BCAS3: variants seen among roughly 807,000 people sequenced by gnomAD.
BCAS3 encodes the protein BCAS4/BCAS3 fusion.
Under a neutral mutation model 116.1 loss-of-function variants are expected in BCAS3, and 53 were observed. The ratio of observed to expected loss-of-function variants is 0.46; its 90% CI spans 0.37 to 0.57. The LOEUF is 0.57. Among genes scored for constraint, BCAS3 ranks in the 20% least tolerant of loss-of-function variants. The pLI is 0.00. For missense variants in BCAS3, 917 were observed against 1,165.4 expected, an observed-to-expected ratio of 0.79 and a Z score of 3.10; for synonymous variants, 391 against 408.2, an observed-to-expected ratio of 0.96 and a Z score of 0.51.
chr17:60,747,848 T>C (rs1260750550), intron 6 of BCAS3, among the ~76,000 whole-genome samples: 1 of 152,152 alleles, frequency 6.6e-6, no homozygotes, highest in Non-Finnish European at 1.5e-5. Context: ...AGAATACTTC[T>C]TAATGTTGTG....
chr17:60,769,016 A>C (rs2044384879), intron 6 of BCAS3, among the ~76,000 whole-genome samples: 4 of 152,134 alleles, frequency 2.6e-5, no homozygotes, highest in Admixed American at 2.6e-4. Context: ...TGATGGTGGT[A>C]CATAGTGGTG....
intron 22 of BCAS3, chr17:61,157,533 CT>C (rs371820850): frequency 1.7e-3 from 251 of 146,712 alleles, no homozygotes; most frequent in African/African-American, 5.2e-3. Flanking sequence ...CTCCCTGCCT[CT>C]TTTTTTTTTT....
Position 61,381,593 on chromosome 17 carries a change from G to A in BCAS3, c.2594-10384G>A, listed in dbSNP as rs1170495669. Among the ~76,000 whole-genome samples, 2 of 149,610 alleles carry A rather than the reference G, an allele frequency of 1.3e-5. No homozygotes were observed. The highest frequency in any genetic ancestry group is 4.0e-4 in the East Asian group (2 of 5,024). ...TTCACTGATGTCAAGGCTACCAGAC[G>A]CTAAATGCCACCGAGAAGTTAAATC... On this transcript the variant is annotated intron_variant, in intron 23 of 23. Transcript: ENST00000407086. This position sits in a 1 kb window ranked among gnomAD's most constrained non-coding sequence, Gnocchi z 6.0.
At chr17:60,915,839 C>T (rs2058751887) in intron 12 of BCAS3, among the ~76,000 whole-genome samples, 1 of 151,900 alleles carries the variant, frequency 6.6e-6, no homozygotes, top group Non-Finnish European at 1.5e-5. Flanking sequence ...CCCGCCACCA[C>T]ACCTAGCTAA....
intron 11 of BCAS3, 53 bp from the exon 12 acceptor site, chr17:60,910,479 T>C (rs2058433873): frequency 7.2e-7 from 1 of 1,390,068 alleles, no homozygotes; most frequent in Non-Finnish European, 9.6e-7. Context: ...CGTATTTCTA[T>C]GTAGAATCCA....
chr17:60,866,272 G>A (rs1333699136), intron 7 of BCAS3, among the ~76,000 whole-genome samples: 1 of 151,776 alleles, frequency 6.6e-6, no homozygotes, highest in Non-Finnish European at 1.5e-5. Flanking sequence ...TTACAGACAT[G>A]CTTGCACCAC....
At chr17:60,719,995 G>A (rs2039059494) in intron 5 of BCAS3, among the ~76,000 whole-genome samples, 1 of 152,154 alleles carries the variant, frequency 6.6e-6, no homozygotes, top group Non-Finnish European at 1.5e-5. Context: ...CTTACACTAT[G>A]TTAAAAATCA....
rs1020184192 is a variant in BCAS3 at position 61,265,832 on chromosome 17, A to G, written c.2426-102495A>G. On this transcript the variant is annotated intron_variant, in intron 22 of 23. Coordinates refer to ENST00000407086, the MANE Select transcript of BCAS3 (RefSeq NM_017679.5). The surrounding 1 kb of genome is among the most constrained non-coding windows in gnomAD (Gnocchi z 4.3). ...AAATCTTTGACTCCACCATTTTTATAATAAACACTTGCAAACTCACACCTT... is the reference window on the plus strand; with the variant it reads ...AAATCTTTGACTCCACCATTTTTATGATAAACACTTGCAAACTCACACCTT... 1.3e-5 allele frequency among the ~76,000 whole-genome samples: 2 copies of G among 152,286 alleles called. No homozygotes were observed. Among genetic ancestry groups the G allele is most frequent in the South Asian group, 2.1e-4 (1 of 4,818 alleles).
At position 60,765,559 on chromosome 17, in the gene BCAS3, A is replaced by C. The variant is rs112403315; in HGVS notation, c.403+18280A>C. On this transcript the variant is annotated intron_variant, in intron 6 of 23. Transcript: ENST00000407086. ...CTTGTAGAGTTTCTGCTGAGAGATCAGCTGTTAGTCTGATGGGCTTCCCTT... is the reference window on the plus strand; with the variant it reads ...CTTGTAGAGTTTCTGCTGAGAGATCCGCTGTTAGTCTGATGGGCTTCCCTT... 2.6e-5 allele frequency among the ~76,000 whole-genome samples: 4 copies of C among 152,272 alleles called. No homozygotes were observed. The South Asian group carries it at 8.3e-4, about 32-fold the overall frequency.
rs369989163 is a variant in BCAS3 at position 61,037,628 on chromosome 17, C to T, written c.1763-261C>T. Among the ~76,000 whole-genome samples the T allele has an allele frequency of 2.0e-5, 3 of 152,112 alleles. No homozygotes were observed. The highest frequency in any genetic ancestry group is 7.2e-5 in the African/African-American group (3 of 41,496). ...CTCTACTAAAAATACAAAAATTAGC[C>T]GGGTGTGGTGACAGGAGCCTGTAAT... On this transcript the variant is annotated intron_variant, in intron 17 of 23. Transcript: ENST00000407086. This position sits in a 1 kb window ranked among gnomAD's most constrained non-coding sequence, Gnocchi z 4.7.
chr17:61,380,661 C>A lies in BCAS3; in HGVS notation c.2594-11316C>A. On this transcript the variant is annotated intron_variant, in intron 23 of 23. Coordinates refer to ENST00000407086, the MANE Select transcript of BCAS3 (RefSeq NM_017679.5). The surrounding 1 kb of genome is among the most constrained non-coding windows in gnomAD (Gnocchi z 4.2). The stretch of plus-strand genomic sequence containing the variant: ...GAGGGTGCCCTCCTACCCCCTCGTG[C>A]CCAGGCCCAGGAGCACTCTAGGGAG... 3.2e-6 allele frequency: 4 copies of A among 1,232,618 alleles called. No individual in the cohort carries two copies. The highest frequency in any genetic ancestry group is 1.5e-5 in the African/African-American group (1 of 67,278). The allele number at this position is 1,232,618 out of a possible 1,614,324, so 76.4% of individuals were successfully genotyped here.
intron 22 of BCAS3, among the ~76,000 whole-genome samples, chr17:61,329,325 G>GTTATTA (rs201735697): frequency 8.3e-5 from 12 of 143,974 alleles, no homozygotes; most frequent in African/African-American, 3.0e-4. Context: ...TCCAGGCCAT[G>GTTATTA]TTATTATTAT....
chr17:60,911,455 G>A (rs1431906777), intron 12 of BCAS3, among the ~76,000 whole-genome samples: 1 of 152,090 alleles, frequency 6.6e-6, no homozygotes, highest in African/African-American at 2.4e-5. Flanking sequence ...GTGCCTCCAT[G>A]CCCAGCTGAC....
chr17:60,860,460 C>T (rs751678946), intron 7 of BCAS3, among the ~76,000 whole-genome samples: 2 of 152,200 alleles, frequency 1.3e-5, no homozygotes, highest in Admixed American at 6.5e-5. Flanking sequence ...GTTTCTTGTG[C>T]TGTGCTGAAG....
Position 61,365,120 on chromosome 17 carries a change from G to A in BCAS3, c.2426-3207G>A, listed in dbSNP as rs138691557. On this transcript the variant is annotated intron_variant, in intron 22 of 23. Transcript: ENST00000407086. This position sits in a 1 kb window ranked among gnomAD's most constrained non-coding sequence, Gnocchi z 4.6. ...TTTTTATGGATGAGGAATCAGAGAC[G>A]CATGCCTGGAATCATACAGCTCACG... Among the ~76,000 whole-genome samples the A allele has an allele frequency of 3.3e-5, 5 of 152,270 alleles. No individual in the cohort carries two copies. The highest frequency in any genetic ancestry group is 7.2e-5 in the African/African-American group (3 of 41,552).
At chr17:61,182,760 C>T (rs1051207982) in intron 22 of BCAS3, among the ~76,000 whole-genome samples, 3 of 152,218 alleles carry the variant, frequency 2.0e-5, no homozygotes, top group Non-Finnish European at 4.4e-5. Context: ...ACATACAATA[C>T]GTAGTCTTTT....
At position 61,241,913 on chromosome 17, in the gene BCAS3, T is replaced by TAA. The variant is rs948897113; in HGVS notation, c.2426-126412_2426-126411dup. Among the ~76,000 whole-genome samples, 36 of 152,196 alleles carry TAA rather than the reference T, an allele frequency of 2.4e-4. No homozygotes were observed. On this transcript the variant is annotated intron_variant, in intron 22 of 23. Coordinates refer to ENST00000407086, the MANE Select transcript of BCAS3 (RefSeq NM_017679.5). This position sits in a 1 kb window ranked among gnomAD's most constrained non-coding sequence, Gnocchi z 4.6. ...TTTTTCTTGTTTGTTTGTTGTTTAC[T>TAA]AAAGAGGAATCATTTCTCAGTGTTA...
intron 22 of BCAS3, among the ~76,000 whole-genome samples, chr17:61,153,348 G>A (rs1409246842): frequency 2.6e-5 from 4 of 152,156 alleles, no homozygotes; most frequent in Admixed American, 2.6e-4. Context: ...AGTTCTACTG[G>A]ACTTTGAGAA....
In BCAS3 at chr17:61,244,566, A is replaced by T. The variant is rs1271103764; in HGVS notation, c.2426-123761A>T. On this transcript the variant is annotated intron_variant, in intron 22 of 23. Coordinates refer to ENST00000407086, the MANE Select transcript of BCAS3 (RefSeq NM_017679.5). This position sits in a 1 kb window ranked among gnomAD's most constrained non-coding sequence, Gnocchi z 4.9. ...CATACTTTATTCAGTCTATATTTTT[A>T]AAAATTGGATATATAGGCCCGGCGC... Among the ~76,000 whole-genome samples the T allele has an allele frequency of 6.6e-6, 1 of 152,238 alleles. No individual in the cohort carries two copies. The highest frequency in any genetic ancestry group is 1.5e-5 in the Non-Finnish European group (1 of 68,036).
Sources: gnomAD v4.1 joint callset for allele counts (sites outside exome capture counted in the v4.1 genomes callset) on GRCh38, gnomAD v4.1.1 for gene constraint, Gnocchi (gnomAD v3.1) non-coding constraint, MANE v1.5 for transcripts, NCBI Gene and HGNC (gene_info 2026-07-23, HGNC 2026-07-21) for gene names.